Variants in BTN2A1 observed in about 807,000 individuals in gnomAD.
The protein encoded by BTN2A1 is butyrophilin, subfamily 2, member A1.
A neutral mutation model predicts 34.5 loss-of-function variants in BTN2A1; 41 were observed. That is an observed-to-expected ratio of 1.19 (90% confidence interval 0.93 to 1.54). The LOEUF (loss-of-function observed/expected upper bound fraction) is 1.54. Among genes scored for constraint, BTN2A1 ranks in the 40% most tolerant of loss-of-function variants. The pLI is 0.00. For missense variants in BTN2A1, 642 were observed against 662.0 expected, an observed-to-expected ratio of 0.97 and a Z score of 0.33; for synonymous variants, 267 against 258.6, an observed-to-expected ratio of 1.03 and a Z score of -0.31.
At chr6:26,473,516 G>A (rs984227563), downstream of BTN2A1, among the ~76,000 whole-genome samples, 3 of 152,150 alleles carry the variant, frequency 2.0e-5, no homozygotes, top group Non-Finnish European at 2.9e-5. Context: ...AGATGCAATA[G>A]ATCTAGTTTT....
Position 26,476,119 on chromosome 6 carries a change from T to C in BTN2A1, c.983-3T>C, listed in dbSNP as rs143037117. The C allele has an allele frequency of 2.8e-5, 43 of 1,535,972 alleles. No individual in the cohort carries two copies. In the Admixed American group the frequency reaches 3.7e-4, roughly 13 times the overall value. On this transcript the variant is annotated splice_polypyrimidine_tract_variant and splice_region_variant and intron_variant, in intron 7 of 7. Transcript: ENST00000469185. Reference sequence around the variant, plus strand: ...TTCTCCTATGTCTCCTTTTGAGTTGTAGGGCCAGTTTGAAGCTTTATATAT... The same window carrying C: ...TTCTCCTATGTCTCCTTTTGAGTTGCAGGGCCAGTTTGAAGCTTTATATAT...
rs755960884 is a variant in BTN2A1 at position 26,465,264 on chromosome 6, A to G, written c.792A>G (p.Val264=). The change falls in exon 5 of 8, where the codon GTA becomes GTG. Residue 264 remains valine (V), a synonymous_variant. Transcript: ENST00000312541. ...TTATTCTGATGATACCCATTGCCGT[A>G]TGCATCTATTGGATCAACAAACTCC... ...IVVILMIPIA[V]CIYWINKLQK... is the part of the protein sequence containing the mutation. The G allele has an allele frequency of 1.9e-6, 3 of 1,614,060 alleles. No homozygotes were observed. Among genetic ancestry groups the G allele is most frequent in the Non-Finnish European group, 1.7e-6 (2 of 1,180,004 alleles).
chr6:26,472,243 G>A (rs900353361), downstream of BTN2A1, among the ~76,000 whole-genome samples: 8 of 152,152 alleles, frequency 5.3e-5, no homozygotes, highest in Non-Finnish European at 7.4e-5. Context: ...TCTACCAGCT[G>A]TTTTAGCCTC....
chr6:26,463,222 G>A (rs1343125640), intron 3 of BTN2A1, 22 bp from the exon 4 acceptor site: 1 of 1,549,142 alleles, frequency 6.5e-7, no homozygotes, highest in African/African-American at 1.4e-5. Context: ...ACTTTTGCCT[G>A]AACCCTGATA....
In BTN2A1 at chr6:26,459,593, G is replaced by C. The variant is rs1306142680; in HGVS notation, c.195G>C (p.Arg65=). Residue 65 remains arginine (R), a synonymous_variant, in exon 3 of 8, where the codon CGG becomes CGC. Transcript: ENST00000312541. Reference sequence around the variant, plus strand: ...AAAATGCTGAGGACATGGAGGTGCGGTGGTTCCGGTCTCAGTTCTCCCCCG... The same window carrying C: ...AAAATGCTGAGGACATGGAGGTGCGCTGGTTCCGGTCTCAGTTCTCCCCCG... ...PEKNAEDMEV[R]WFRSQFSPAV... 6.2e-7 allele frequency: 1 copy of C among 1,614,060 alleles called. No individual in the cohort carries two copies. Among genetic ancestry groups the C allele is most frequent in the East Asian group, 2.2e-5 (1 of 44,870 alleles).
At chr6:26,462,700 T>C (rs1763197201) in intron 3 of BTN2A1, 1 of 808,910 alleles carries the variant, frequency 1.2e-6, no homozygotes, top group Non-Finnish European at 1.8e-6. Context: ...TTATGTGAAG[T>C]TCTGAACTAG....
downstream of BTN2A1, among the ~76,000 whole-genome samples, chr6:26,472,155 A>G (rs991477772): frequency 5.3e-5 from 8 of 152,100 alleles, no homozygotes; most frequent in African/African-American, 1.9e-4. Context: ...ATGTTGCCTC[A>G]TGGTCACAAA....
chr6:26,466,041 G>A lies in BTN2A1; in HGVS notation c.956-21G>A, dbSNP rs2273559. ...TGCTCAGCAACATCTCATGACATTCGTCTCTGTCTGTCCCTTGCAGGATGG... is the reference window on the plus strand; with the variant it reads ...TGCTCAGCAACATCTCATGACATTCATCTCTGTCTGTCCCTTGCAGGATGG... On this transcript the variant is annotated intron_variant, in intron 6 of 7. Coordinates refer to ENST00000312541, the MANE Select transcript of BTN2A1 (RefSeq NM_007049.5). 2.3e-5 allele frequency: 37 copies of A among 1,614,086 alleles called. No homozygotes were observed. The East Asian group carries it at 3.3e-4, about 15-fold the overall frequency.
At chr6:26,460,374 A>G (rs1218852953) in intron 3 of BTN2A1, among the ~76,000 whole-genome samples, 1 of 151,434 alleles carries the variant, frequency 6.6e-6, no homozygotes, top group Non-Finnish European at 1.5e-5. Flanking sequence ...CTTTCCCAAA[A>G]TGCTGATTGC....
At chr6:26,466,811 GC>G (rs1371893916) in intron 7 of BTN2A1, among the ~76,000 whole-genome samples, 1 of 152,190 alleles carries the variant, frequency 6.6e-6, no homozygotes, top group Non-Finnish European at 1.5e-5. Context: ...AATTGTCACA[GC>G]CAGACATATT....
At chr6:26,467,814 CAG>C (rs1410814766) in intron 7 of BTN2A1, 132 bp from the exon 8 acceptor site, 3 of 1,558,204 alleles carry the variant, frequency 1.9e-6, no homozygotes, top group Non-Finnish European at 2.6e-6. Context: ...TGCCTAGGAT[CAG>C]AGAGCCTTCA....
intron 3 of BTN2A1, among the ~76,000 whole-genome samples, 198 bp downstream of exon 3, chr6:26,460,026 T>C (rs2393664): frequency 0.76 from 115,403 of 151,876 alleles, 44,165 homozygotes; most frequent in East Asian, 0.84. Flanking sequence ...CCTGCTAAGC[T>C]AAGGGCTTCA....
At position 26,458,640 on chromosome 6, in the gene BTN2A1, G is replaced by A; in HGVS notation, c.4G>A (p.Glu2Lys). 6.2e-7 allele frequency: 1 copy of A among 1,614,100 alleles called. No individual in the cohort carries two copies. The highest frequency in any genetic ancestry group is 2.2e-5 in the East Asian group (1 of 44,880). ...TCCCTGCCTGCTCTGGGTGCTCATG[G>A]AATCAGCTGCTGCCCTGCACTTCTC... M[E>K]SAAALHFSRP... The change falls in exon 2 of 8, where the codon GAA becomes AAA. Residue 2 changes from glutamate (E) to lysine (K), a missense_variant. Glu to Lys is a moderately conservative substitution (Grantham distance 56, BLOSUM62 1). Coordinates refer to ENST00000312541, the MANE Select transcript of BTN2A1 (RefSeq NM_007049.5).
rs144703894 is a variant in BTN2A1, at chr6:26,463,748, TTTGTTG to T, written c.712+247_712+252del. Among the ~76,000 whole-genome samples the T allele has an allele frequency of 2.9e-4, 44 of 150,924 alleles. 1 individual carries two copies. The highest frequency in any genetic ancestry group is 3.4e-3 in the Middle Eastern group (1 of 294). Reference sequence around the variant, plus strand: ...CCTCTTCTCTGAGGGTAAACCTGTTTTTGTTGTTGTTGTTGTTGTTGTTGTTGTTTT... The same window carrying T: ...CCTCTTCTCTGAGGGTAAACCTGTTTTTGTTGTTGTTGTTGTTGTTGTTTT... On this transcript the variant is annotated intron_variant, in intron 4 of 7. Coordinates refer to ENST00000312541, the MANE Select transcript of BTN2A1 (RefSeq NM_007049.5).
chr6:26,468,617 C>G lies in BTN2A1; in HGVS notation c.*68C>G. On this transcript the variant is annotated 3_prime_UTR_variant, in exon 8 of 8. Transcript: ENST00000312541. ...CATCTCAGCAGCCACCGCACAACAC[C>G]CCTGGTGGAAGACACGCCCTCCTCC... The G allele has an allele frequency of 6.2e-7, 1 of 1,614,126 alleles. No individual in the cohort carries two copies. Among genetic ancestry groups the G allele is most frequent in the South Asian group, 1.1e-5 (1 of 91,060 alleles).
downstream of BTN2A1, among the ~76,000 whole-genome samples, chr6:26,471,663 A>AAAGGAAGG (rs71745841): frequency 0.016 from 2,428 of 151,594 alleles, 43 homozygotes; most frequent in African/African-American, 0.042. Context: ...GGAAGGAAGG[A>AAAGGAAGG]AAGGAAGGAA....
intron 3 of BTN2A1, chr6:26,462,837 A>T (rs1763201631): frequency 7.8e-7 from 1 of 1,282,298 alleles, no homozygotes; most frequent in Non-Finnish European, 1.0e-6. Context: ...TCGTCCCAGA[A>T]GCAGAAAGTG....
downstream of BTN2A1, among the ~76,000 whole-genome samples, chr6:26,469,913 G>A (rs1341412046): frequency 6.6e-6 from 1 of 152,032 alleles, no homozygotes; most frequent in African/African-American, 2.4e-5. Flanking sequence ...GTGTGGTAGC[G>A]CACGCCTGTA....
downstream of BTN2A1, among the ~76,000 whole-genome samples, chr6:26,472,147 G>A (rs1763463539): frequency 2.0e-5 from 3 of 152,048 alleles, no homozygotes; most frequent in African/African-American, 7.3e-5. Context: ...CATCTTCAAT[G>A]TTGCCTCATG....
Sources: gnomAD v4.1 joint callset for allele counts (sites outside exome capture counted in the v4.1 genomes callset) on GRCh38, gnomAD v4.1.1 for gene constraint, MANE v1.5 for transcripts, NCBI Gene and HGNC (gene_info 2026-07-23, HGNC 2026-07-21) for gene names.